The following VTI1A variants were observed in gnomAD, a reference collection of about 807,000 sequenced individuals.
VTI1A encodes the protein vesicle transport through interaction with t-SNAREs homolog 1A.
VTI1A carries 22 observed loss-of-function variants against 34.9 expected under a neutral mutation model. The observed-to-expected ratio is 0.63, with a 90% CI of 0.45 to 0.90. The LOEUF (loss-of-function observed/expected upper bound fraction) is 0.90, where lower values mean the gene tolerates loss of function less well. VTI1A is among the 40% of genes least tolerant of loss of function. The pLI, the probability that VTI1A is intolerant of heterozygous loss-of-function variation, is 0.00. For missense variants in VTI1A, 268 were observed against 275.6 expected (o/e 0.97, Z 0.20); for synonymous variants, 87 against 97.3 (o/e 0.89, Z 0.62).
At chr10:112,533,100 A>G (rs1850503659) in intron 4 of VTI1A, among the ~76,000 whole-genome samples, 1 of 152,130 alleles carries the variant, frequency 6.6e-6, no homozygotes, top group Non-Finnish European at 1.5e-5. Flanking sequence ...ATTTGTAGGT[A>G]AAATCTGAAA....
chr10:112,718,020 ACCACAAAACTCCT>A (rs1849670756), intron 7 of VTI1A, among the ~76,000 whole-genome samples: 1 of 152,118 alleles, frequency 6.6e-6, no homozygotes, highest in African/African-American at 2.4e-5. Context: ...ACACACACAA[ACCACAAAACTCCT>A]GTTGTCTGAA....
intron 3 of VTI1A, among the ~76,000 whole-genome samples, chr10:112,501,122 A>T (rs1397020892): frequency 2.6e-5 from 4 of 152,172 alleles, no homozygotes; most frequent in Non-Finnish European, 1.5e-5. Flanking sequence ...AACCTGTTTC[A>T]TTACTAACAC....
At chr10:112,676,933 C>G (rs1848053549) in intron 7 of VTI1A, among the ~76,000 whole-genome samples, 1 of 152,140 alleles carries the variant, frequency 6.6e-6, no homozygotes, top group African/African-American at 2.4e-5. Flanking sequence ...GGGTTCTGGC[C>G]TTCGTCAAGG....
At chr10:112,704,998 C>T (rs1849143845) in intron 7 of VTI1A, among the ~76,000 whole-genome samples, 1 of 152,138 alleles carries the variant, frequency 6.6e-6, no homozygotes, top group South Asian at 2.1e-4. Flanking sequence ...AAACAATCCT[C>T]CTGCCCCAGC....
intron 3 of VTI1A, among the ~76,000 whole-genome samples, chr10:112,524,407 C>T (rs1201155835): frequency 2.6e-5 from 4 of 152,048 alleles, no homozygotes; most frequent in African/African-American, 9.7e-5. Flanking sequence ...TAGGAAAAGT[C>T]AGTCCTGTCA....
intron 3 of VTI1A, among the ~76,000 whole-genome samples, chr10:112,477,022 C>T (rs1321632910): frequency 1.3e-5 from 2 of 152,162 alleles, no homozygotes; most frequent in African/African-American, 4.8e-5. Flanking sequence ...GCTATGTCAA[C>T]TATTTTAAGC....
chr10:112,775,088 G>A (rs1378100822), intron 7 of VTI1A, among the ~76,000 whole-genome samples: 1 of 152,180 alleles, frequency 6.6e-6, no homozygotes, highest in Non-Finnish European at 1.5e-5. Context: ...TTGAGGTTGG[G>A]TCTTGTGACT....
the VTI1A span, among the ~76,000 whole-genome samples, chr10:112,851,397 C>T: frequency 6.6e-6 from 1 of 152,180 alleles, no homozygotes; most frequent in Non-Finnish European, 1.5e-5. Flanking sequence ...ATTGACAAAC[C>T]TTCATATGCT....
intron 7 of VTI1A, among the ~76,000 whole-genome samples, chr10:112,686,911 AG>A (rs1394211484): frequency 6.6e-6 from 1 of 152,130 alleles, no homozygotes; most frequent in Non-Finnish European, 1.5e-5. Flanking sequence ...ATTTTTCTTT[AG>A]GGGCACTGTG....
chr10:112,468,732 G>T (rs902069639), intron 3 of VTI1A, among the ~76,000 whole-genome samples: 2 of 152,042 alleles, frequency 1.3e-5, no homozygotes, highest in Non-Finnish European at 2.9e-5. Flanking sequence ...CCATGGCTGC[G>T]TCTATACTGA....
chr10:112,620,124 A>G (rs1358842415), intron 5 of VTI1A, among the ~76,000 whole-genome samples: 1 of 152,210 alleles, frequency 6.6e-6, no homozygotes, highest in Non-Finnish European at 1.5e-5. Flanking sequence ...TAATATTAAC[A>G]GTGTGTGTTG....
chr10:112,564,817 T>TA (rs972876091), intron 5 of VTI1A, among the ~76,000 whole-genome samples: 6 of 152,052 alleles, frequency 3.9e-5, no homozygotes, highest in South Asian at 2.1e-4. Flanking sequence ...TTGCAGATCT[T>TA]AAAAAAAATG....
At chr10:112,722,808 A>G (rs1318268773) in intron 7 of VTI1A, among the ~76,000 whole-genome samples, 1 of 152,116 alleles carries the variant, frequency 6.6e-6, no homozygotes, top group East Asian at 1.9e-4. Context: ...TGATGCTTAC[A>G]TGAAACCAGA....
intron 5 of VTI1A, among the ~76,000 whole-genome samples, chr10:112,616,271 G>T (rs947843455): frequency 3.3e-5 from 5 of 152,092 alleles, no homozygotes; most frequent in African/African-American, 1.2e-4. Context: ...AAATGCAGGA[G>T]TACATGCACA....
Position 112,815,685 on chromosome 10 carries a change from C to A in VTI1A, c.*302C>A. ...AAAATAGCCCCAGTGACACTCCTAG[C>A]CCTCTGGACGTGTCAAGGGCCGTGG... On this transcript the variant is annotated 3_prime_UTR_variant, in exon 8 of 8. Transcript: ENST00000393077. The A allele has an allele frequency of 2.6e-6, 1 of 387,102 alleles. No homozygotes were observed. Among genetic ancestry groups the A allele is most frequent in the South Asian group, 3.2e-5 (1 of 31,026 alleles). 24.0% of individuals were successfully genotyped at this position (387,102 alleles called of 1,614,324 possible). A position where few individuals can be genotyped will look rare whatever the true frequency, so the allele number is the denominator to read the frequency against.
chr10:112,598,509 G>A (rs900410511), intron 5 of VTI1A, among the ~76,000 whole-genome samples: 1 of 152,172 alleles, frequency 6.6e-6, no homozygotes, highest in East Asian at 1.9e-4. Context: ...TTGTAGCCTT[G>A]CAGGCTATTT....
intron 7 of VTI1A, among the ~76,000 whole-genome samples, chr10:112,770,631 C>T (rs919232793): frequency 6.6e-6 from 1 of 151,556 alleles, no homozygotes; most frequent in African/African-American, 2.4e-5. Flanking sequence ...AGGTCTCGAT[C>T]TCCTGACCTC....
In VTI1A at chr10:112,518,579, C is replaced by CTATATA. The variant is rs1457202915; in HGVS notation, c.265-8507_265-8506insATATAT. Among the ~76,000 whole-genome samples, 14 of 96,506 alleles carry CTATATA rather than the reference C, an allele frequency of 1.5e-4. No individual in the cohort carries two copies. The East Asian group carries it at 3.7e-3, about 25-fold the overall frequency. 63.3% of individuals were successfully genotyped at this position (96,506 alleles called of 152,430 possible). ...TCTCTCTCTCTCTCTCTCTCTCTCT[C>CTATATA]TCTCTCTCTCTATATATATATATAT... On this transcript the variant is annotated intron_variant, in intron 3 of 7. Transcript: ENST00000393077.
chr10:112,596,919 T>C (rs1844668950), intron 5 of VTI1A, among the ~76,000 whole-genome samples: 1 of 152,238 alleles, frequency 6.6e-6, no homozygotes, highest in Non-Finnish European at 1.5e-5. Context: ...TCTTCTGTTC[T>C]TGAAGTATTG....
Sources: gnomAD v4.1 joint callset for allele counts (sites outside exome capture counted in the v4.1 genomes callset) on GRCh38, gnomAD v4.1.1 for gene constraint, MANE v1.5 for transcripts, NCBI Gene and HGNC (gene_info 2026-07-23, HGNC 2026-07-21) for gene names.